PEPD: variants seen among roughly 807,000 people sequenced by gnomAD.
The protein encoded by PEPD is peptidase D.
In PEPD, 53 loss-of-function variants were observed where a neutral mutation model predicts 60.7. The observed-to-expected ratio is 0.87, with a 90% confidence interval of 0.70 to 1.10. PEPD has a LOEUF of 1.10. Ranked by LOEUF, PEPD falls within the 50% of genes least tolerant of loss-of-function variation. The probability of loss-of-function intolerance (pLI) is 0.00; values close to 1 mark genes in which losing one functional copy is unlikely to be tolerated. For missense variants in PEPD, 711 were observed against 711.9 expected, an observed-to-expected ratio of 1.00 and a Z score of 0.01; for synonymous variants, 267 against 284.1, an observed-to-expected ratio of 0.94 and a Z score of 0.60.
chr19:33,386,966 C>A lies in PEPD; in HGVS notation c.*378G>T. ...CGCACAAAGGACCATTTTAGGAAAC[C>A]TTTTATTGCAAATGCCATTCTGCAT... On this transcript the variant is annotated 3_prime_UTR_variant, in exon 15 of 15. Coordinates refer to ENST00000244137, the MANE Select transcript of PEPD (RefSeq NM_000285.4). 1 of 270,066 alleles carries A rather than the reference C, an allele frequency of 3.7e-6. No individual in the cohort carries two copies. The highest frequency in any genetic ancestry group is 7.2e-6 in the Non-Finnish European group (1 of 139,310). 16.7% of individuals were successfully genotyped at this position (270,066 alleles called of 1,614,324 possible).
chr19:33,420,083 G>A (rs1397159764), intron 9 of PEPD, among the ~76,000 whole-genome samples: 2 of 152,232 alleles, frequency 1.3e-5, no homozygotes, highest in Non-Finnish European at 2.9e-5. Flanking sequence ...AAGCATAACT[G>A]AGGACATAAC....
At position 33,418,678 on chromosome 19, in the gene PEPD, T is replaced by C. The variant is rs1968942533; in HGVS notation, c.672-5035A>G. Among the ~76,000 whole-genome samples the C allele has an allele frequency of 2.6e-5, 4 of 152,268 alleles. No homozygotes were observed. The South Asian group carries it at 8.3e-4, about 32-fold the overall frequency. ...GCAGGTCCTGGCTCTTTTAGCACTGTTCCCCGTAGGTCTTCCAAAGAGCAG... is the reference window on the plus strand; with the variant it reads ...GCAGGTCCTGGCTCTTTTAGCACTGCTCCCCGTAGGTCTTCCAAAGAGCAG... On this transcript the variant is annotated intron_variant, in intron 9 of 14. Transcript: ENST00000244137.
chr19:33,519,779 T>A (rs1971097365), intron 1 of PEPD, among the ~76,000 whole-genome samples: 1 of 152,068 alleles, frequency 6.6e-6, no homozygotes, highest in Admixed American at 6.6e-5. Context: ...AAGCTCTCAT[T>A]CTGGGGCCAG....
intron 7 of PEPD, among the ~76,000 whole-genome samples, chr19:33,474,392 C>T (rs939380944): frequency 4.6e-5 from 7 of 152,234 alleles, no homozygotes; most frequent in African/African-American, 1.7e-4. Flanking sequence ...CCACAAATAT[C>T]TTTAAATACA....
intron 6 of PEPD, among the ~76,000 whole-genome samples, chr19:33,481,521 G>A (rs188629691): frequency 3.3e-4 from 50 of 152,186 alleles, no homozygotes; most frequent in South Asian, 1.7e-3. Flanking sequence ...AGCCGAGATC[G>A]TGCCATTGCA....
intron 9 of PEPD, among the ~76,000 whole-genome samples, chr19:33,440,377 TCCACTCCAACC>T (rs1389780069): frequency 6.6e-6 from 1 of 152,056 alleles, no homozygotes; most frequent in African/African-American, 2.4e-5. Flanking sequence ...TCCTTCCCCA[TCCACTCCAACC>T]CCAGGGCTAC....
At chr19:33,419,527 T>C (rs1365035190) in intron 9 of PEPD, among the ~76,000 whole-genome samples, 1 of 152,196 alleles carries the variant, frequency 6.6e-6, no homozygotes, top group Non-Finnish European at 1.5e-5. Context: ...TGAATCCGTG[T>C]TCGGGCTCGG....
At chr19:33,508,235 G>T (rs542442606) in intron 3 of PEPD, among the ~76,000 whole-genome samples, 1 of 152,174 alleles carries the variant, frequency 6.6e-6, no homozygotes, top group Admixed American at 6.5e-5. Flanking sequence ...CGAGAGGGCA[G>T]CCAGGTCAAA....
At chr19:33,509,859 G>C (rs1600174105) in intron 3 of PEPD, among the ~76,000 whole-genome samples, 1 of 152,150 alleles carries the variant, frequency 6.6e-6, no homozygotes, top group East Asian at 1.9e-4. Flanking sequence ...GGAGTACCTG[G>C]AACAGCAGGC....
intron 1 of PEPD, among the ~76,000 whole-genome samples, chr19:33,513,792 A>G (rs1970972025): frequency 6.6e-6 from 1 of 150,402 alleles, no homozygotes; most frequent in African/African-American, 2.4e-5. Context: ...TCTTCCCTAA[A>G]CCCCCAGAAC....
At chr19:33,393,356 G>T (rs1968276752) in intron 12 of PEPD, among the ~76,000 whole-genome samples, 1 of 151,974 alleles carries the variant, frequency 6.6e-6, no homozygotes, top group Non-Finnish European at 1.5e-5. Context: ...GGCTGCAGCT[G>T]CCCTGTATCT....
At position 33,471,335 on chromosome 19, in the gene PEPD, G is replaced by A. The variant is rs577911502; in HGVS notation, c.548+6711C>T. Among the ~76,000 whole-genome samples the A allele has an allele frequency of 5.5e-4, 83 of 152,258 alleles. 1 individual carries two copies. In the South Asian group the frequency reaches 0.017, roughly 31 times the overall value. Reference sequence around the variant, plus strand: ...GAGGGATGCACCCCAGCCTGGCCTGGTTATCTCACAGCACAAACACCAGAA... The same window carrying A: ...GAGGGATGCACCCCAGCCTGGCCTGATTATCTCACAGCACAAACACCAGAA... On this transcript the variant is annotated intron_variant, in intron 7 of 14. Transcript: ENST00000244137.
chr19:33,430,823 G>C (rs143563727), intron 9 of PEPD, among the ~76,000 whole-genome samples: 1 of 152,078 alleles, frequency 6.6e-6, no homozygotes, highest in Non-Finnish European at 1.5e-5. Flanking sequence ...AGCTGCCACC[G>C]AGGACGACAC....
At position 33,470,361 on chromosome 19, in the gene PEPD, A is replaced by G. The variant is rs1237198421; in HGVS notation, c.549-6299T>C. Among the ~76,000 whole-genome samples, 4 of 152,126 alleles carry G rather than the reference A, an allele frequency of 2.6e-5. No homozygotes were observed. In the South Asian group the frequency reaches 8.3e-4, roughly 32 times the overall value. Reference sequence around the variant, plus strand: ...TGAAGGTAAACCTCTAGTAGAGCACAACTCACGTAGGTGCAGGCCATCTCC... The same window carrying G: ...TGAAGGTAAACCTCTAGTAGAGCACGACTCACGTAGGTGCAGGCCATCTCC... On this transcript the variant is annotated intron_variant, in intron 7 of 14. Transcript: ENST00000244137.
At chr19:33,457,992 G>A (rs193289731) in intron 9 of PEPD, among the ~76,000 whole-genome samples, 1 of 152,354 alleles carries the variant, frequency 6.6e-6, no homozygotes, top group East Asian at 1.9e-4. Flanking sequence ...TATGGGTTGG[G>A]GGGCGGGTAT....
In PEPD at chr19:33,512,560, C is replaced by T. The variant is rs535470716; in HGVS notation, c.201+33G>A. 5 of 1,604,790 alleles carry T rather than the reference C, an allele frequency of 3.1e-6. No homozygotes were observed. The South Asian group carries it at 3.3e-5, about 11-fold the overall frequency. ...CTCAGGACAGCAGCACCATCACACA[C>T]CTGCTCACTTGTGGCCAAGCGGGGA... On this transcript the variant is annotated intron_variant, in intron 2 of 14. Coordinates refer to ENST00000244137, the MANE Select transcript of PEPD (RefSeq NM_000285.4).
At chr19:33,412,873 A>AGG (rs1968808946) in intron 10 of PEPD, among the ~76,000 whole-genome samples, 1 of 152,174 alleles carries the variant, frequency 6.6e-6, no homozygotes, top group Non-Finnish European at 1.5e-5. Context: ...CCACGCCCAC[A>AGG]GCCAGGACGC....
intron 9 of PEPD, among the ~76,000 whole-genome samples, chr19:33,449,250 GCA>G (rs1969651997): frequency 6.6e-6 from 1 of 152,238 alleles, no homozygotes; most frequent in Admixed American, 6.5e-5. Flanking sequence ...CGCCCATCTT[GCA>G]CAGTGAACCT....
At chr19:33,393,088 A>C (rs1968264613) in intron 12 of PEPD, among the ~76,000 whole-genome samples, 1 of 151,840 alleles carries the variant, frequency 6.6e-6, no homozygotes, top group Non-Finnish European at 1.5e-5. Context: ...CCCCCCACAC[A>C]GAGCAGGGAT....
Sources: allele counts gnomAD v4.1 joint callset (sites outside exome capture counted in the v4.1 genomes callset), GRCh38; gene constraint gnomAD v4.1.1; transcripts MANE v1.5; gene names NCBI Gene and HGNC (gene_info 2026-07-23, HGNC 2026-07-21).